Variants in RBFOX1 observed in about 807,000 individuals in gnomAD.
The protein encoded by RBFOX1 is RNA binding fox-1 homolog 1.
Under a neutral mutation model 57.7 loss-of-function variants are expected in RBFOX1, and 8 were observed. That is an observed-to-expected ratio of 0.14 (90% confidence interval 0.08 to 0.25). The LOEUF (loss-of-function observed/expected upper bound fraction) is 0.25, where lower values mean the gene tolerates loss of function less well. RBFOX1 is among the 10% of genes least tolerant of loss of function. The probability of loss-of-function intolerance (pLI) is 1.00; values close to 1 mark genes in which losing one functional copy is unlikely to be tolerated. For synonymous variants in RBFOX1, 326 were observed against 222.4 expected, an observed-to-expected ratio of 1.47 and a Z score of -4.15; for missense variants, 611 against 548.5, an observed-to-expected ratio of 1.11 and a Z score of -1.14.
chr16:6,456,800 A>T (rs997360562), intron 2 of RBFOX1, among the ~76,000 whole-genome samples: 1 of 152,170 alleles, frequency 6.6e-6, no homozygotes. Flanking sequence ...ATGAAGAATG[A>T]AGTTATGAGA....
In RBFOX1 at chr16:7,434,051, G is replaced by A. The variant is rs114267914; in HGVS notation, c.28-84096G>A. Reference sequence around the variant, plus strand: ...TGGAGGAGTCAAGCCTGAATGATCAGAAAGACACTAAAAGATGTAAAGCAG... The same window carrying A: ...TGGAGGAGTCAAGCCTGAATGATCAAAAAGACACTAAAAGATGTAAAGCAG... On this transcript the variant is annotated intron_variant, in intron 4 of 15. Coordinates refer to ENST00000550418, the MANE Select transcript of RBFOX1 (RefSeq NM_018723.4). Among the ~76,000 whole-genome samples the A allele has an allele frequency of 2.4e-3, 359 of 152,262 alleles. 2 individuals carry two copies. The highest frequency in any genetic ancestry group is 8.3e-3 in the African/African-American group (344 of 41,548).
chr16:7,156,495 GT>G (rs2152333430), intron 4 of RBFOX1, among the ~76,000 whole-genome samples: 1 of 151,916 alleles, frequency 6.6e-6, no homozygotes, highest in East Asian at 1.9e-4. Context: ...ACATCTATGT[GT>G]GCATATACAT....
At chr16:6,085,334 A>C (rs936850179) in intron 1 of RBFOX1, among the ~76,000 whole-genome samples, 4 of 152,198 alleles carry the variant, frequency 2.6e-5, no homozygotes, top group Non-Finnish European at 5.9e-5. Context: ...GTGCAGTGGT[A>C]CGATCTTGGC....
chr16:6,989,244 T>C (rs980266945), intron 3 of RBFOX1, among the ~76,000 whole-genome samples: 5 of 152,172 alleles, frequency 3.3e-5, no homozygotes, highest in Admixed American at 1.3e-4. Flanking sequence ...TAATTGCATG[T>C]ATTGCTTGCA....
rs367855295 is a variant in RBFOX1 at position 6,099,395 on chromosome 16, G to A, written c.-127+79403G>A. On this transcript the variant is annotated intron_variant, in intron 1 of 15. Transcript: ENST00000550418. The stretch of plus-strand genomic sequence containing the variant: ...CCTGTTGTCTATGTAGCCACAGGAG[G>A]TTAGTTCTGAGTGTCTTCATGGTTA... Among the ~76,000 whole-genome samples the A allele has an allele frequency of 1.2e-4, 19 of 152,154 alleles. 1 individual carries two copies. The highest frequency in any genetic ancestry group is 1.0e-3 in the Admixed American group (16 of 15,274).
intron 1 of RBFOX1, among the ~76,000 whole-genome samples, chr16:6,128,218 T>C (rs1379503108): frequency 6.6e-6 from 1 of 152,230 alleles, no homozygotes; most frequent in African/African-American, 2.4e-5. Context: ...TTAAATTCAA[T>C]ATATTATTTA....
At chr16:5,454,354 G>A (rs2068515740) in intron 1 of RBFOX1, among the ~76,000 whole-genome samples, 2 of 152,356 alleles carry the variant, frequency 1.3e-5, no homozygotes, top group South Asian at 4.1e-4. Context: ...GAGTCTGTGG[G>A]TCAGAAGTTT....
At chr16:6,244,170 T>C (rs1366322451) in intron 1 of RBFOX1, among the ~76,000 whole-genome samples, 1 of 152,140 alleles carries the variant, frequency 6.6e-6, no homozygotes, top group African/African-American at 2.4e-5. Context: ...CTAGTCTACC[T>C]TCTCAGTCAC....
At chr16:7,246,533 A>G (rs1033475097) in intron 4 of RBFOX1, among the ~76,000 whole-genome samples, 1 of 151,548 alleles carries the variant, frequency 6.6e-6, no homozygotes, top group Non-Finnish European at 1.5e-5. Context: ...GTACCAAACC[A>G]TGGTGGCATC....
At chr16:6,599,290 C>G (rs1182744890) in intron 2 of RBFOX1, among the ~76,000 whole-genome samples, 1 of 152,144 alleles carries the variant, frequency 6.6e-6, no homozygotes, top group Non-Finnish European at 1.5e-5. Context: ...AAAACCACAT[C>G]TCTGAATCCA....
In RBFOX1 at chr16:5,934,138, G is replaced by A. The variant is rs17643848; in HGVS notation, c.351+66803G>A. On this transcript the variant is annotated intron_variant, in intron 4 of 19. Transcript: ENST00000641259. The stretch of plus-strand genomic sequence containing the variant: ...GGTGGTTTTATGTGGACACGGCATG[G>A]CATCATCCTCAGGAGCTCAGTATAA... 8.1e-3 allele frequency among the ~76,000 whole-genome samples: 1,228 copies of A among 152,352 alleles called. 11 individuals carry two copies. The highest frequency in any genetic ancestry group is 0.024 in the Middle Eastern group (7 of 294).
At chr16:7,300,821 G>A (rs865917584) in intron 4 of RBFOX1, among the ~76,000 whole-genome samples, 60 of 152,282 alleles carry the variant, frequency 3.9e-4, no homozygotes, top group African/African-American at 1.4e-3. Context: ...ATTTGAAGAT[G>A]ACATTATTGA....
In RBFOX1 at chr16:7,319,813, A is replaced by G. The variant is rs28584988; in HGVS notation, c.28-198334A>G. Among the ~76,000 whole-genome samples the G allele has an allele frequency of 4.7e-3, 720 of 152,274 alleles. 7 individuals are homozygous for G. In the Middle Eastern group the frequency reaches 0.082, roughly 17 times the overall value. On this transcript the variant is annotated intron_variant, in intron 4 of 15. Transcript: ENST00000550418. ...GCCGGCCCTCCCTGCTCAAGTTGCCATGAATGATGTAAGGCCTCTGAGTTC... is the reference window on the plus strand; with the variant it reads ...GCCGGCCCTCCCTGCTCAAGTTGCCGTGAATGATGTAAGGCCTCTGAGTTC...
chr16:7,200,829 A>G (rs545716482), intron 4 of RBFOX1, among the ~76,000 whole-genome samples: 1 of 152,310 alleles, frequency 6.6e-6, no homozygotes, highest in South Asian at 2.1e-4. Flanking sequence ...AGGCCCTTTC[A>G]TGCTTTCTCC....
At chr16:6,925,924 CAATT>C (rs1279599058) in intron 3 of RBFOX1, among the ~76,000 whole-genome samples, 1 of 151,918 alleles carries the variant, frequency 6.6e-6, no homozygotes, top group Non-Finnish European at 1.5e-5. Flanking sequence ...TTTACTTTTG[CAATT>C]AATTTATTTT....
intron 2 of RBFOX1, among the ~76,000 whole-genome samples, chr16:5,481,746 G>C (rs538300278): frequency 6.6e-6 from 1 of 152,282 alleles, no homozygotes; most frequent in East Asian, 1.9e-4. Context: ...CATTCTGGAG[G>C]CTGCGAGTAT....
chr16:5,728,077 C>T (rs991035077), intron 3 of RBFOX1, among the ~76,000 whole-genome samples: 4 of 152,228 alleles, frequency 2.6e-5, no homozygotes, highest in Non-Finnish European at 5.9e-5. Flanking sequence ...TGGCTTATTT[C>T]ACTTGATCCA....
rs563128727 is a variant in RBFOX1, at chr16:6,095,223, T to A, written c.-127+75231T>A. Among the ~76,000 whole-genome samples the A allele has an allele frequency of 2.2e-4, 34 of 152,330 alleles. 1 individual carries two copies. In the South Asian group the frequency reaches 6.4e-3, roughly 29 times the overall value. ...TTAAATAAACAGGTGGATTTGGAATTCCTTTCCAAGTAAAACATTTAAAGT... is the reference window on the plus strand; with the variant it reads ...TTAAATAAACAGGTGGATTTGGAATACCTTTCCAAGTAAAACATTTAAAGT... On this transcript the variant is annotated intron_variant, in intron 1 of 15. Coordinates refer to ENST00000550418, the MANE Select transcript of RBFOX1 (RefSeq NM_018723.4).
chr16:6,427,123 A>G (rs1014806776), intron 2 of RBFOX1, among the ~76,000 whole-genome samples: 7 of 152,236 alleles, frequency 4.6e-5, no homozygotes, highest in Non-Finnish European at 7.3e-5. Flanking sequence ...AACAATGGGA[A>G]AAGAGAGTTT....
Sources: allele counts gnomAD v4.1 joint callset (sites outside exome capture counted in the v4.1 genomes callset), GRCh38; gene constraint gnomAD v4.1.1; transcripts MANE v1.5; gene names NCBI Gene and HGNC (gene_info 2026-07-23, HGNC 2026-07-21).